STAB2: variants seen among roughly 807,000 people sequenced by gnomAD.
The protein encoded by STAB2 is stabilin 2.
Under a neutral mutation model 338.1 loss-of-function variants are expected in STAB2, and 288 were observed. That is an observed-to-expected ratio of 0.85 (90% CI 0.77 to 0.94). The LOEUF (loss-of-function observed/expected upper bound fraction) is 0.94. Among genes scored for constraint, STAB2 ranks in the 40% least tolerant of loss-of-function variants. The probability of loss-of-function intolerance (pLI) is 0.00; values close to 1 mark genes in which losing one functional copy is unlikely to be tolerated. For synonymous variants in STAB2, 1,202 were observed against 1,193.3 expected (o/e 1.01, Z -0.15); for missense variants, 3,141 against 3,210.1 (o/e 0.98, Z 0.52).
At chr12:103,628,666 C>G (rs932972275) in intron 5 of STAB2, among the ~76,000 whole-genome samples, 2 of 152,148 alleles carry the variant, frequency 1.3e-5, no homozygotes, top group African/African-American at 4.8e-5. Flanking sequence ...CTTCACATGC[C>G]TCTTCACCTA....
At chr12:103,713,022 A>G (rs926601742) in intron 41 of STAB2, among the ~76,000 whole-genome samples, 6 of 152,192 alleles carry the variant, frequency 3.9e-5, no homozygotes, top group African/African-American at 1.4e-4. Context: ...ACTCAGGTCA[A>G]CTTAGACTCC....
Position 103,713,624 on chromosome 12 carries a change from T to G in STAB2, c.4412-19T>G. 1 of 1,613,322 alleles carries G rather than the reference T, an allele frequency of 6.2e-7. No individual in the cohort carries two copies. Among genetic ancestry groups the G allele is most frequent in the Non-Finnish European group, 8.5e-7 (1 of 1,179,476 alleles). On this transcript the variant is annotated intron_variant, in intron 41 of 68. Transcript: ENST00000388887. ...TTTGCCCTTCCCTCTCCCCTTCTGCTCTGTGTCATCTTCTATAGCAATCAA... is the reference window on the plus strand; with the variant it reads ...TTTGCCCTTCCCTCTCCCCTTCTGCGCTGTGTCATCTTCTATAGCAATCAA...
intron 3 of STAB2, among the ~76,000 whole-genome samples, chr12:103,608,957 T>G (rs1363561727): frequency 6.6e-6 from 1 of 152,234 alleles, no homozygotes; most frequent in African/African-American, 2.4e-5. Flanking sequence ...CTTTCCCCAT[T>G]TCCTGCTTTC....
In STAB2 at chr12:103,702,019, CA is replaced by C. The variant is rs1566028104; in HGVS notation, c.3715-1128del. On this transcript the variant is annotated intron_variant, in intron 34 of 68. Transcript: ENST00000388887. ...ACACACACACACACACACACACACA[CA>C]CACCCCACCCCAATTTTTCAAAGAA... is the stretch of plus-strand genomic sequence containing the variant. 2.0e-4 allele frequency among the ~76,000 whole-genome samples: 26 copies of C among 131,582 alleles called. No individual in the cohort carries two copies. The South Asian group carries it at 4.8e-3, about 25-fold the overall frequency. 86.3% of individuals were successfully genotyped at this position (131,582 alleles called of 152,430 possible).
At chr12:103,607,967 C>T (rs1030874181) in intron 3 of STAB2, among the ~76,000 whole-genome samples, 11 of 152,212 alleles carry the variant, frequency 7.2e-5, no homozygotes, top group African/African-American at 2.7e-4. Context: ...GCCACACTGA[C>T]TTCCACAATG....
At chr12:103,594,371 A>G in intron 2 of STAB2, 24 bp from the exon 3 acceptor site, 1 of 1,585,908 alleles carries the variant, frequency 6.3e-7, no homozygotes, top group Non-Finnish European at 8.7e-7. Flanking sequence ...ATCGTGGGTT[A>G]ATGTCCTCTC....
intron 3 of STAB2, among the ~76,000 whole-genome samples, chr12:103,609,587 G>C (rs1411003747): frequency 6.6e-6 from 1 of 152,078 alleles, no homozygotes. Context: ...GAGATTTTGG[G>C]CTGAGATGAT....
intron 44 of STAB2, among the ~76,000 whole-genome samples, chr12:103,719,729 AAGTTGCATCCAC>A (rs1478466774): frequency 2.0e-5 from 3 of 152,210 alleles, no homozygotes; most frequent in African/African-American, 2.4e-5. Context: ...TTTTCTAAAT[AAGTTGCATCCAC>A]AGTTGCATCC....
intron 25 of STAB2, among the ~76,000 whole-genome samples, chr12:103,680,055 G>T (rs1593225472): frequency 6.6e-6 from 1 of 152,206 alleles, no homozygotes; most frequent in East Asian, 1.9e-4. Flanking sequence ...TGATTCCACT[G>T]CTCTGAGGTT....
chr12:103,742,777 T>C (rs1323072829), intron 56 of STAB2, among the ~76,000 whole-genome samples: 2 of 152,224 alleles, frequency 1.3e-5, no homozygotes, highest in African/African-American at 4.8e-5. Flanking sequence ...CAGCAGCCAC[T>C]AAGGCAAGAT....
rs183917617 is a variant in STAB2, at chr12:103,703,499, G to T, written c.3843+223G>T. The stretch of plus-strand genomic sequence containing the variant: ...GTGGGCTTGTGATCTAGTGCAAGAG[G>T]TTGTACCTTGTGTGCCTGGGAAAGG... On this transcript the variant is annotated intron_variant, in intron 35 of 68. Transcript: ENST00000388887. Among the ~76,000 whole-genome samples the T allele has an allele frequency of 2.4e-3, 360 of 152,276 alleles. 2 individuals carry two copies. The highest frequency in any genetic ancestry group is 8.3e-3 in the African/African-American group (343 of 41,548).
intron 48 of STAB2, 87 bp from the exon 49 acceptor site, chr12:103,730,029 G>A: frequency 7.6e-7 from 1 of 1,309,782 alleles, no homozygotes; most frequent in Non-Finnish European, 1.0e-6. Context: ...CTGATAATTT[G>A]ACACATTGGT....
At chr12:103,600,877 C>A (rs528128529) in intron 3 of STAB2, among the ~76,000 whole-genome samples, 1 of 75,436 alleles carries the variant, frequency 1.3e-5, no homozygotes, top group African/African-American at 1.3e-4. Flanking sequence ...AAGAGACAGG[C>A]ACATTCCTTC....
At position 103,733,096 on chromosome 12, in the gene STAB2, G is replaced by A. The variant is rs1188056736; in HGVS notation, c.5374G>A (p.Ala1792Thr). ...CGACCAAGCCCTCCATGCCCTACCT[G>A]CTGAACAACAGGACTTCCTGTTCAA... Reference protein sequence around the residue: ...PTDQALHALPAEQQDFLFNQD... With the variant: ...PTDQALHALPTEQQDFLFNQD... The change falls in exon 51 of 69, where the codon GCT becomes ACT. Residue 1792 changes from alanine (A) to threonine (T), a missense_variant. Transcript: ENST00000388887. 1 of 1,613,992 alleles carries A rather than the reference G, an allele frequency of 6.2e-7. No homozygotes were observed. The highest frequency in any genetic ancestry group is 8.5e-7 in the Non-Finnish European group (1 of 1,180,028).
chr12:103,689,949 G>T lies in STAB2; in HGVS notation c.3149G>T (p.Trp1050Leu). 1.9e-6 allele frequency: 3 copies of T among 1,614,082 alleles called. No individual in the cohort carries two copies. The highest frequency in any genetic ancestry group is 2.5e-6 in the Non-Finnish European group (3 of 1,179,984). ...ATGGACCAGGATGAGAAAAGCTTCT[G>T]GTTGTCACAGAGCAATATTCCAGCC... The part of the protein sequence containing the change: ...EDMDQDEKSF[W>L]LSQSNIPALI... Residue 1050 changes from tryptophan (W) to leucine (L), a missense_variant, in exon 29 of 69, where the codon TGG (tryptophan) becomes TTG (leucine). By Grantham distance (61) the Trp-to-Leu change is moderately conservative (BLOSUM62 -2). Coordinates refer to ENST00000388887, the MANE Select transcript of STAB2 (RefSeq NM_017564.10).
intron 64 of STAB2, among the ~76,000 whole-genome samples, chr12:103,758,906 C>T (rs1440097277): frequency 6.6e-6 from 1 of 152,208 alleles, no homozygotes; most frequent in Non-Finnish European, 1.5e-5. Context: ...GAAAGCTCTG[C>T]TCTAGACAAT....
chr12:103,640,071 C>A lies in STAB2; in HGVS notation c.907-52C>A, dbSNP rs567933822. The A allele has an allele frequency of 1.4e-5, 22 of 1,546,566 alleles. 1 individual carries two copies. The South Asian group carries it at 2.3e-4, about 16-fold the overall frequency. On this transcript the variant is annotated intron_variant, in intron 8 of 68. Coordinates refer to ENST00000388887, the MANE Select transcript of STAB2 (RefSeq NM_017564.10). ...AATACAAATTAAAGAAGAATGCCAGCTGAAGTAACTAACTAGGATCCTATT... is the reference window on the plus strand; with the variant it reads ...AATACAAATTAAAGAAGAATGCCAGATGAAGTAACTAACTAGGATCCTATT...
At chr12:103,731,054 G>C (rs1026876192) in intron 49 of STAB2, among the ~76,000 whole-genome samples, 2 of 152,128 alleles carry the variant, frequency 1.3e-5, no homozygotes, top group South Asian at 2.1e-4. Flanking sequence ...ACCAGAGTGA[G>C]ATCCTGTCTA....
At chr12:103,754,037 CTGGTGGTTTA>C (rs1384324328) in intron 61 of STAB2, among the ~76,000 whole-genome samples, 1 of 152,176 alleles carries the variant, frequency 6.6e-6, no homozygotes, top group African/African-American at 2.4e-5. Context: ...GAGTTCCAGG[CTGGTGGTTTA>C]TCACTGGGAG....
Sources: gnomAD v4.1 joint callset for allele counts (sites outside exome capture counted in the v4.1 genomes callset) on GRCh38, gnomAD v4.1.1 for gene constraint, MANE v1.5 for transcripts, NCBI Gene and HGNC (gene_info 2026-07-23, HGNC 2026-07-21) for gene names.